Variants in PLEKHA7 observed in about 807,000 individuals in gnomAD.
PLEKHA7 encodes the protein pleckstrin homology domain containing A7, also known as pleckstrin homology domain-containing family A member 7.
Under a neutral mutation model 170.0 loss-of-function variants are expected in PLEKHA7, and 104 were observed. The ratio of observed to expected loss-of-function variants is 0.61; its 90% CI spans 0.52 to 0.72. The LOEUF (loss-of-function observed/expected upper bound fraction) is 0.72, where lower values mean the gene tolerates loss of function less well. Ranked by LOEUF, PLEKHA7 falls within the 30% of genes least tolerant of loss-of-function variation. The probability of loss-of-function intolerance (pLI) is 0.00; values close to 1 mark genes in which losing one functional copy is unlikely to be tolerated. For missense variants in PLEKHA7, 1,615 were observed against 1,671.7 expected (o/e 0.97, Z 0.59); for synonymous variants, 648 against 660.8 (o/e 0.98, Z 0.30).
At chr11:16,940,043 GGGGCAAGAAGGGTTA>G (rs1860574257) in intron 3 of PLEKHA7, among the ~76,000 whole-genome samples, 1 of 152,144 alleles carries the variant, frequency 6.6e-6, no homozygotes, top group Non-Finnish European at 1.5e-5. Flanking sequence ...ACTGGTGCTG[GGGGCAAGAAGGGTTA>G]GCTGTGTGGA....
chr11:16,940,127 T>C (rs1286447856), intron 3 of PLEKHA7, among the ~76,000 whole-genome samples: 1 of 152,208 alleles, frequency 6.6e-6, no homozygotes, highest in Non-Finnish European at 1.5e-5. Context: ...CCTACTGGGC[T>C]GTAACTTCCA....
intron 24 of PLEKHA7, among the ~76,000 whole-genome samples, chr11:16,784,959 T>C (rs1283938412): frequency 1.3e-5 from 2 of 152,194 alleles, no homozygotes; most frequent in Admixed American, 6.5e-5. Flanking sequence ...GGGGCTTCTT[T>C]TGTGAATCTG....
intron 3 of PLEKHA7, among the ~76,000 whole-genome samples, chr11:17,011,860 C>A (rs1434963793): frequency 6.6e-6 from 1 of 152,186 alleles, no homozygotes; most frequent in Non-Finnish European, 1.5e-5. Context: ...CATGATTCTC[C>A]TCCACCCCAA....
chr11:16,816,750 T>C (rs1260459100), intron 11 of PLEKHA7, 50 bp downstream of exon 11: 1 of 1,588,762 alleles, frequency 6.3e-7, no homozygotes, highest in Non-Finnish European at 8.6e-7. Context: ...GCAAAGCTCC[T>C]GGCGCCCTCA....
At chr11:16,979,780 G>T (rs752256998) in intron 3 of PLEKHA7, among the ~76,000 whole-genome samples, 2 of 151,590 alleles carry the variant, frequency 1.3e-5, no homozygotes, top group African/African-American at 2.4e-5. Context: ...ATCTTGAGTC[G>T]CAGCAATTCT....
chr11:16,863,939 G>A (rs1854184644), intron 4 of PLEKHA7, among the ~76,000 whole-genome samples: 1 of 152,172 alleles, frequency 6.6e-6, no homozygotes, highest in Non-Finnish European at 1.5e-5. Context: ...AACATTTTCT[G>A]GAGAAAAGAC....
At position 16,805,694 on chromosome 11, in the gene PLEKHA7, G is replaced by A. The variant is rs565365238; in HGVS notation, c.2008-2399C>T. 2.6e-5 allele frequency among the ~76,000 whole-genome samples: 4 copies of A among 151,722 alleles called. No homozygotes were observed. The East Asian group carries it at 7.8e-4, about 29-fold the overall frequency. On this transcript the variant is annotated intron_variant, in intron 13 of 26. Transcript: ENST00000531066. ...AGTCCCAGCTACTCGGGAGGTTGAG[G>A]CAGGAGAATCTCTTGAACCTGGGAG...
intron 3 of PLEKHA7, among the ~76,000 whole-genome samples, chr11:16,876,114 C>T (rs1391607669): frequency 2.0e-5 from 3 of 152,252 alleles, no homozygotes; most frequent in South Asian, 2.1e-4. Context: ...CTGGCTCCCC[C>T]GCCACAAAAG....
At chr11:16,935,343 G>A (rs192412104) in intron 3 of PLEKHA7, among the ~76,000 whole-genome samples, 40 of 152,338 alleles carry the variant, frequency 2.6e-4, no homozygotes, top group Non-Finnish European at 5.3e-4. Flanking sequence ...TGAGGCAGAA[G>A]AATCGCTTGA....
intron 13 of PLEKHA7, among the ~76,000 whole-genome samples, chr11:16,805,429 TTCTC>T (rs1231180511): frequency 6.6e-6 from 1 of 152,178 alleles, no homozygotes; most frequent in Non-Finnish European, 1.5e-5. Context: ...AACCTTTTTT[TTCTC>T]TCTCTCAGGA....
intron 3 of PLEKHA7, among the ~76,000 whole-genome samples, chr11:16,971,541 G>T (rs4756879): frequency 0.96 from 146,453 of 152,274 alleles, 70,664 homozygotes; most frequent in Non-Finnish European, 1. Context: ...CTCAATAATG[G>T]AAGCTGTTAT....
At chr11:16,827,506 A>C (rs1319546456) in intron 9 of PLEKHA7, among the ~76,000 whole-genome samples, 3 of 152,160 alleles carry the variant, frequency 2.0e-5, no homozygotes. Context: ...CAAACCTGGA[A>C]GCTATAAAGG....
At chr11:16,898,427 G>C (rs1014964020) in intron 3 of PLEKHA7, among the ~76,000 whole-genome samples, 1 of 152,180 alleles carries the variant, frequency 6.6e-6, no homozygotes, top group African/African-American at 2.4e-5. Flanking sequence ...GAGCAGATCT[G>C]GACTTGAATA....
intron 3 of PLEKHA7, among the ~76,000 whole-genome samples, chr11:16,956,611 A>G (rs1411799466): frequency 2.0e-5 from 3 of 152,198 alleles, no homozygotes; most frequent in Non-Finnish European, 4.4e-5. Flanking sequence ...GATAGCTTGT[A>G]TTTTAGTTAT....
chr11:16,803,273 T>G lies in PLEKHA7; in HGVS notation c.2030A>C (p.Lys677Thr). 2.5e-6 allele frequency: 4 copies of G among 1,613,936 alleles called. No homozygotes were observed. The highest frequency in any genetic ancestry group is 3.4e-6 in the Non-Finnish European group (4 of 1,179,804). ...CTTCACAGGCTTCAGACTTCGATCC[T>G]TGAGAAGGTCCCGGCCTGTCATCTG... The part of the protein sequence containing the change: ...DLKMTGRDLL[K>T]DRSLKPVKIA... The change falls in exon 14 of 27, where the codon AAG becomes ACG. Residue 677 changes from lysine (K) to threonine (T), a missense_variant. By Grantham distance (78) the Lys-to-Thr change is moderately conservative. Transcript: ENST00000531066.
intron 3 of PLEKHA7, among the ~76,000 whole-genome samples, chr11:16,994,861 C>T (rs1864248523): frequency 6.6e-6 from 1 of 152,152 alleles, no homozygotes; most frequent in African/African-American, 2.4e-5. Context: ...GCACAGTATC[C>T]TCTGGTCATT....
intron 10 of PLEKHA7, among the ~76,000 whole-genome samples, chr11:16,822,464 G>C (rs1393078736): frequency 7.6e-6 from 1 of 132,414 alleles, no homozygotes; most frequent in Non-Finnish European, 1.5e-5. Flanking sequence ...CAGCCTCCTT[G>C]AAAGGTACCA....
At chr11:16,784,252 C>A (rs1849253079) in intron 24 of PLEKHA7, among the ~76,000 whole-genome samples, 1 of 152,200 alleles carries the variant, frequency 6.6e-6, no homozygotes, top group Admixed American at 6.5e-5. Flanking sequence ...CTTTTGTTCC[C>A]TTGACTCTCA....
At chr11:16,892,070 G>A (rs1298894759) in intron 3 of PLEKHA7, among the ~76,000 whole-genome samples, 1 of 152,182 alleles carries the variant, frequency 6.6e-6, no homozygotes, top group Non-Finnish European at 1.5e-5. Flanking sequence ...ATTGGTGGAA[G>A]TTTTCAAGCC....
Sources: gnomAD v4.1 joint callset for allele counts (sites outside exome capture counted in the v4.1 genomes callset) on GRCh38, gnomAD v4.1.1 for gene constraint, MANE v1.5 for transcripts, NCBI Gene and HGNC (gene_info 2026-07-23, HGNC 2026-07-21) for gene names.